CTNND2: variants seen among roughly 807,000 people sequenced by gnomAD.
CTNND2 encodes catenin delta-2.
Under a neutral mutation model 144.4 loss-of-function variants are expected in CTNND2, and 22 were observed. That is an observed-to-expected ratio of 0.15 (90% CI 0.11 to 0.22). The LOEUF is 0.22. Among genes scored for constraint, CTNND2 ranks in the 10% least tolerant of loss-of-function variants. The pLI is 1.00. For missense variants in CTNND2, 1,353 were observed against 1,618.8 expected (o/e 0.84, Z 2.82); for synonymous variants, 751 against 695.6 (o/e 1.08, Z -1.25).
At chr5:11,661,634 AATC>A (rs1783210666) in intron 2 of CTNND2, among the ~76,000 whole-genome samples, 1 of 152,140 alleles carries the variant, frequency 6.6e-6, no homozygotes, top group African/African-American at 2.4e-5. Context: ...TTTAAAAAAA[AATC>A]ATCAATTTCC....
At chr5:11,685,206 A>G (rs1356217946) in intron 2 of CTNND2, among the ~76,000 whole-genome samples, 1 of 152,184 alleles carries the variant, frequency 6.6e-6, no homozygotes, top group Non-Finnish European at 1.5e-5. Flanking sequence ...ACAAGTTCAC[A>G]TGAGGGGCAG....
chr5:11,488,978 T>C (rs1035160645), intron 3 of CTNND2, among the ~76,000 whole-genome samples: 3 of 152,242 alleles, frequency 2.0e-5, no homozygotes, highest in Middle Eastern at 3.2e-3. Flanking sequence ...ATTCAGGTTA[T>C]TTCCAGTTTT....
At chr5:11,339,531 T>A (rs1201236252) in intron 9 of CTNND2, among the ~76,000 whole-genome samples, 1 of 152,188 alleles carries the variant, frequency 6.6e-6, no homozygotes, top group East Asian at 1.9e-4. Context: ...AGATGATAAG[T>A]TTCTCCTGGT....
At chr5:11,740,621 T>C (rs1039681668) in intron 1 of CTNND2, among the ~76,000 whole-genome samples, 1 of 152,122 alleles carries the variant, frequency 6.6e-6, no homozygotes, top group Non-Finnish European at 1.5e-5. Context: ...ATTCAGGACA[T>C]AGGCATGGGC....
intron 1 of CTNND2, among the ~76,000 whole-genome samples, chr5:11,792,989 G>A (rs150331564): frequency 1.2e-4 from 18 of 152,272 alleles, no homozygotes; most frequent in Middle Eastern, 3.4e-3. Flanking sequence ...ATTTCCCAGC[G>A]ATGCATTTTA....
chr5:11,038,239 T>C (rs1461672309), intron 16 of CTNND2, among the ~76,000 whole-genome samples: 2 of 152,146 alleles, frequency 1.3e-5, no homozygotes. Flanking sequence ...GTCCATGGCC[T>C]GTTAGGAACC....
intron 1 of CTNND2, among the ~76,000 whole-genome samples, chr5:11,764,972 A>T (rs531784238): frequency 6.6e-6 from 1 of 152,330 alleles, no homozygotes; most frequent in East Asian, 1.9e-4. Context: ...ATCAAGTTCC[A>T]TTGGCCATGG....
At chr5:11,261,495 T>C (rs1744855679) in intron 9 of CTNND2, among the ~76,000 whole-genome samples, 1 of 152,246 alleles carries the variant, frequency 6.6e-6, no homozygotes, top group Non-Finnish European at 1.5e-5. Context: ...GAAAAGGCAG[T>C]TAACTCTCCA....
chr5:11,661,428 T>C (rs973364758), intron 2 of CTNND2, among the ~76,000 whole-genome samples: 1 of 152,180 alleles, frequency 6.6e-6, no homozygotes, highest in Non-Finnish European at 1.5e-5. Flanking sequence ...TGTTACTTTT[T>C]TATTGCAAAC....
chr5:11,160,331 C>T (rs1001213330), intron 11 of CTNND2, among the ~76,000 whole-genome samples: 3 of 152,182 alleles, frequency 2.0e-5, no homozygotes, highest in South Asian at 2.1e-4. Context: ...GAAAGCAATG[C>T]TCATGGAGGA....
At chr5:11,178,742 A>G (rs536210886) in intron 11 of CTNND2, among the ~76,000 whole-genome samples, 2 of 152,348 alleles carry the variant, frequency 1.3e-5, no homozygotes, top group Non-Finnish European at 2.9e-5. Flanking sequence ...GTTAAAATTA[A>G]TTAGACTCAG....
In CTNND2 at chr5:11,854,717, C is replaced by T. The variant is rs140982471; in HGVS notation, c.37+49100G>A. ...AGTATCGAACGTACAGTAAAATCAA[C>T]ACTGAACTAGGAATTCAAACCCTGG... On this transcript the variant is annotated intron_variant, in intron 1 of 21. Coordinates refer to ENST00000304623, the MANE Select transcript of CTNND2 (RefSeq NM_001332.4). Among the ~76,000 whole-genome samples the T allele has an allele frequency of 1.1e-3, 166 of 152,284 alleles. 2 individuals are homozygous for T. Among genetic ancestry groups the T allele is most frequent in the Middle Eastern group, 0.01 (3 of 294 alleles).
intron 18 of CTNND2, among the ~76,000 whole-genome samples, chr5:10,995,729 AT>A (rs1739271165): frequency 6.6e-6 from 1 of 152,186 alleles, no homozygotes; most frequent in South Asian, 2.1e-4. Flanking sequence ...AAAGGGAAAA[AT>A]GGCAGGAAGA....
chr5:11,188,025 A>G (rs898139747), intron 11 of CTNND2, among the ~76,000 whole-genome samples: 2 of 152,234 alleles, frequency 1.3e-5, no homozygotes, highest in African/African-American at 4.8e-5. Flanking sequence ...TACTTCAATC[A>G]TTGTGGAAGA....
At position 11,075,236 on chromosome 5, in the gene CTNND2, C is replaced by T. The variant is rs369878496; in HGVS notation, c.2788+7460G>A. 3.3e-5 allele frequency among the ~76,000 whole-genome samples: 5 copies of T among 152,278 alleles called. No individual in the cohort carries two copies. In the East Asian group the frequency reaches 9.7e-4, roughly 29 times the overall value. On this transcript the variant is annotated intron_variant, in intron 16 of 21. Coordinates refer to ENST00000304623, the MANE Select transcript of CTNND2 (RefSeq NM_001332.4). ...CTAGGAAATGGCCCTATTCTGACCC[C>T]AGAGAAAGTCAGATCCCATCTTGTG...
chr5:11,752,488 A>G (rs4702818), intron 1 of CTNND2, among the ~76,000 whole-genome samples: 145,371 of 151,670 alleles, frequency 0.96, 69,955 homozygotes, highest in East Asian at 1. Context: ...GGTTGCAGGT[A>G]TCTGGCTTTA....
intron 6 of CTNND2, 141 bp from the exon 7 acceptor site, chr5:11,385,370 G>A (rs1284637681): frequency 2.3e-6 from 1 of 428,584 alleles, no homozygotes; most frequent in Non-Finnish European, 3.1e-6. Context: ...GCTGCGCTCG[G>A]GGCAGTACGC....
intron 11 of CTNND2, among the ~76,000 whole-genome samples, chr5:11,180,441 C>T (rs749897859): frequency 6.6e-6 from 1 of 152,112 alleles, no homozygotes; most frequent in Non-Finnish European, 1.5e-5. Flanking sequence ...GAAGCAGAGT[C>T]CTAGGTTAAT....
intron 3 of CTNND2, among the ~76,000 whole-genome samples, chr5:11,466,912 G>A (rs1766732665): frequency 6.6e-6 from 1 of 152,192 alleles, no homozygotes; most frequent in South Asian, 2.1e-4. Context: ...TCACACAGGT[G>A]CAATTCACCA....
Sources: allele counts gnomAD v4.1 joint callset (sites outside exome capture counted in the v4.1 genomes callset), GRCh38; gene constraint gnomAD v4.1.1; transcripts MANE v1.5; gene names NCBI Gene and HGNC (gene_info 2026-07-23, HGNC 2026-07-21).